Variants in TCF4 observed in about 807,000 individuals in gnomAD.
TCF4 encodes the protein transcription factor 4.
Under a neutral mutation model 82.1 loss-of-function variants are expected in TCF4, and 3 were observed. The observed-to-expected ratio is 0.04, with a 90% confidence interval of 0.02 to 0.09. The LOEUF is 0.09. Ranked by LOEUF, TCF4 falls within the 10% of genes least tolerant of loss-of-function variation. TCF4 has a pLI of 1.00. For synonymous variants in TCF4, 276 were observed against 309.6 expected (o/e 0.89, Z 1.14); for missense variants, 518 against 852.7 (o/e 0.61, Z 4.89).
intron 5 of TCF4, among the ~76,000 whole-genome samples, chr18:55,424,341 C>G (rs2094896937): frequency 6.6e-6 from 1 of 152,120 alleles, no homozygotes; most frequent in Non-Finnish European, 1.5e-5. Context: ...CCTTTGGCAT[C>G]CTATATCACA....
chr18:55,448,244 G>C (rs143545558), intron 5 of TCF4, among the ~76,000 whole-genome samples: 1 of 152,180 alleles, frequency 6.6e-6, no homozygotes, highest in African/African-American at 2.4e-5. Flanking sequence ...CGTGTAGTGG[G>C]AGCACTTTAT....
chr18:55,295,911 C>G (rs1053899764), intron 8 of TCF4, among the ~76,000 whole-genome samples: 7 of 152,076 alleles, frequency 4.6e-5, no homozygotes, highest in African/African-American at 1.4e-4. Context: ...CCTTAAGGAG[C>G]CTGTACACCC....
At chr18:55,586,885 T>C in intron 2 of TCF4, 160 bp downstream of exon 2, 1 of 612,494 alleles carries the variant, frequency 1.6e-6, no homozygotes, top group East Asian at 3.1e-5. Flanking sequence ...CACAAAATTA[T>C]AGTTAAAAAC....
At chr18:55,461,160 A>G in intron 4 of TCF4, 45 bp from the exon 5 acceptor site, 1 of 1,495,128 alleles carries the variant, frequency 6.7e-7, no homozygotes, top group Non-Finnish European at 9.2e-7. Flanking sequence ...ATATTAATAA[A>G]CAGCACATAA....
In TCF4 at chr18:55,427,762, C is replaced by G. The variant is rs538754304; in HGVS notation, c.305-24244G>C. Among the ~76,000 whole-genome samples, 27 of 152,224 alleles carry G rather than the reference C, an allele frequency of 1.8e-4. 1 individual carries two copies. The South Asian group carries it at 5.0e-3, about 28-fold the overall frequency. Reference sequence around the variant, plus strand: ...TATGTTCACCACTATATTCACATAACCTAAAATAGTACCTGCTATTTGTAT... The same window carrying G: ...TATGTTCACCACTATATTCACATAAGCTAAAATAGTACCTGCTATTTGTAT... On this transcript the variant is annotated intron_variant, in intron 5 of 19. Coordinates refer to ENST00000354452, the MANE Select transcript of TCF4 (RefSeq NM_001083962.2).
chr18:55,297,831 C>G (rs556447660), intron 8 of TCF4, among the ~76,000 whole-genome samples: 116 of 151,738 alleles, frequency 7.6e-4, no homozygotes, highest in African/African-American at 2.7e-3. Context: ...GTTTGAGTAT[C>G]CCTACATTGA....
upstream of TCF4, among the ~76,000 whole-genome samples, chr18:55,589,098 G>GA (rs144917649): frequency 0.012 from 1,676 of 145,008 alleles, 20 homozygotes; most frequent in South Asian, 0.053. Context: ...ACGTGTGTTT[G>GA]AAAAAAAAAA....
Position 55,399,922 on chromosome 18 carries a change from ACAC to A in TCF4, c.369+3529_369+3531del, listed in dbSNP as rs1206526893. On this transcript the variant is annotated intron_variant, in intron 6 of 19. Coordinates refer to ENST00000354452, the MANE Select transcript of TCF4 (RefSeq NM_001083962.2). ...CACACACACACACACACACACACACACACAATACTAAAAATGAAACCATGGCTT... is the reference window on the plus strand; with the variant it reads ...CACACACACACACACACACACACACAAATACTAAAAATGAAACCATGGCTT... Among the ~76,000 whole-genome samples, 106 of 147,808 alleles carry A rather than the reference ACAC, an allele frequency of 7.2e-4. 1 individual carries two copies. Among genetic ancestry groups the A allele is most frequent in the African/African-American group, 2.4e-3 (92 of 39,026 alleles).
intron 8 of TCF4, among the ~76,000 whole-genome samples, chr18:55,310,789 T>C (rs1221839793): frequency 6.6e-6 from 1 of 152,236 alleles, no homozygotes; most frequent in Non-Finnish European, 1.5e-5. Flanking sequence ...AACATAATTA[T>C]TAATTAGTTT....
At chr18:55,440,857 C>G (rs1373066002) in intron 5 of TCF4, among the ~76,000 whole-genome samples, 5 of 152,162 alleles carry the variant, frequency 3.3e-5, no homozygotes, top group African/African-American at 1.2e-4. Context: ...TATTCTTACA[C>G]AGCATAACTT....
At chr18:55,477,723 G>A (rs1281712949) in intron 3 of TCF4, among the ~76,000 whole-genome samples, 1 of 152,090 alleles carries the variant, frequency 6.6e-6, no homozygotes, top group East Asian at 1.9e-4. Flanking sequence ...TCACTTTCAG[G>A]TTCTATAAAA....
chr18:55,427,187 C>T lies in TCF4; in HGVS notation c.305-23669G>A, dbSNP rs112751895. Among the ~76,000 whole-genome samples the T allele has an allele frequency of 8.9e-3, 1,354 of 152,248 alleles. 18 individuals carry two copies. The highest frequency in any genetic ancestry group is 0.031 in the African/African-American group (1,280 of 41,540). On this transcript the variant is annotated intron_variant, in intron 5 of 19. Transcript: ENST00000354452. ...TTCTACACACCCTTCCTTCTCCTTG[C>T]CCATTCCTTCATTCTTCCAGCTTCT...
At chr18:55,247,729 T>C (rs1381111569) in intron 15 of TCF4, among the ~76,000 whole-genome samples, 2 of 152,166 alleles carry the variant, frequency 1.3e-5, no homozygotes, top group Non-Finnish European at 2.9e-5. Flanking sequence ...GTCCAAACTT[T>C]TTTTCAGGTT....
At chr18:55,340,422 A>C (rs1569087032) in intron 8 of TCF4, among the ~76,000 whole-genome samples, 1 of 151,934 alleles carries the variant, frequency 6.6e-6, no homozygotes. Flanking sequence ...CTACCAAAAA[A>C]AAAGAAAAAA....
intron 3 of TCF4, among the ~76,000 whole-genome samples, chr18:55,499,076 T>G (rs565085941): frequency 6.6e-6 from 1 of 152,152 alleles, no homozygotes; most frequent in African/African-American, 2.4e-5. Context: ...GTCCAAGAAA[T>G]GCAAATGTTA....
intron 11 of TCF4, among the ~76,000 whole-genome samples, chr18:55,263,373 T>TA (rs1176601148): frequency 6.6e-6 from 1 of 152,112 alleles, no homozygotes; most frequent in Admixed American, 6.5e-5. Context: ...TCAAGAGTAT[T>TA]AAAAATATTT....
At chr18:55,603,585 A>G (rs954775434) in intron 2 of TCF4, among the ~76,000 whole-genome samples, 3 of 152,224 alleles carry the variant, frequency 2.0e-5, no homozygotes, top group African/African-American at 7.2e-5. Context: ...GATTGTTAAA[A>G]TAGTTAATAA....
At chr18:55,624,763 C>T (rs935318164) in intron 2 of TCF4, among the ~76,000 whole-genome samples, 1 of 152,152 alleles carries the variant, frequency 6.6e-6, no homozygotes, top group Non-Finnish European at 1.5e-5. Context: ...TCCTTCGTTT[C>T]ATTTACTACC....
At chr18:55,309,152 G>A (rs994082055) in intron 8 of TCF4, among the ~76,000 whole-genome samples, 12 of 152,068 alleles carry the variant, frequency 7.9e-5, no homozygotes, top group African/African-American at 2.9e-4. Context: ...TTGCTCTGCT[G>A]CCCAGGCTGG....
Sources: allele counts gnomAD v4.1 joint callset (sites outside exome capture counted in the v4.1 genomes callset), GRCh38; gene constraint gnomAD v4.1.1; transcripts MANE v1.5; gene names NCBI Gene and HGNC (gene_info 2026-07-23, HGNC 2026-07-21).